The following RIT2 variants were observed in gnomAD, a reference collection of about 807,000 sequenced individuals.
RIT2 encodes GTP-binding protein Rit2.
RIT2 carries 24 observed loss-of-function variants against 23.7 expected under a neutral mutation model. The ratio of observed to expected loss-of-function variants is 1.01; its 90% CI spans 0.73 to 1.43. The LOEUF (loss-of-function observed/expected upper bound fraction) is 1.43. Ranked by LOEUF, RIT2 falls within the 40% of genes most tolerant of loss-of-function variation. RIT2 has a pLI of 0.00. For synonymous variants in RIT2, 107 were observed against 91.1 expected, an observed-to-expected ratio of 1.17 and a Z score of -0.99; for missense variants, 236 against 266.9, an observed-to-expected ratio of 0.88 and a Z score of 0.81.
intron 1 of RIT2, among the ~76,000 whole-genome samples, chr18:43,064,454 C>G (rs984090383): frequency 6.6e-6 from 1 of 151,984 alleles, no homozygotes; most frequent in Non-Finnish European, 1.5e-5. Flanking sequence ...TATTACTAAG[C>G]AATACACATT....
chr18:42,875,706 A>T (rs967662276), intron 4 of RIT2, among the ~76,000 whole-genome samples: 3 of 152,050 alleles, frequency 2.0e-5, no homozygotes, highest in African/African-American at 7.2e-5. Context: ...AAAATATAAT[A>T]GACCTATCAG....
At chr18:42,795,113 C>G (rs907556132) in intron 4 of RIT2, among the ~76,000 whole-genome samples, 4 of 152,232 alleles carry the variant, frequency 2.6e-5, no homozygotes, top group Admixed American at 6.5e-5. Context: ...CGCTCGCTCT[C>G]GGCACCTCCT....
chr18:42,987,263 G>A (rs1910733303), intron 2 of RIT2, among the ~76,000 whole-genome samples: 1 of 152,148 alleles, frequency 6.6e-6, no homozygotes, highest in Non-Finnish European at 1.5e-5. Flanking sequence ...ACTTGACCAT[G>A]CAACTTGCAT....
chr18:42,830,952 T>C (rs2144008201), intron 4 of RIT2, among the ~76,000 whole-genome samples: 1 of 152,310 alleles, frequency 6.6e-6, no homozygotes, highest in East Asian at 1.9e-4. Context: ...TCCAATAGTA[T>C]TTTCTAATTT....
At chr18:42,985,254 T>C (rs1910683913) in intron 2 of RIT2, among the ~76,000 whole-genome samples, 1 of 152,122 alleles carries the variant, frequency 6.6e-6, no homozygotes, top group African/African-American at 2.4e-5. Flanking sequence ...AGCTATGAGA[T>C]GTTATGAAGA....
At chr18:43,077,200 A>G (rs1334387909) in intron 1 of RIT2, among the ~76,000 whole-genome samples, 1 of 152,064 alleles carries the variant, frequency 6.6e-6, no homozygotes, top group Admixed American at 6.5e-5. Flanking sequence ...CAGAGCAATC[A>G]TAGGTATATA....
chr18:43,089,014 C>T (rs1025938603), intron 1 of RIT2, among the ~76,000 whole-genome samples: 1 of 152,018 alleles, frequency 6.6e-6, no homozygotes, highest in Admixed American at 6.6e-5. Context: ...TGTGTGTACA[C>T]ATGTATGTTT....
At chr18:42,838,799 G>A (rs569229978) in intron 4 of RIT2, among the ~76,000 whole-genome samples, 8 of 152,126 alleles carry the variant, frequency 5.3e-5, no homozygotes, top group South Asian at 2.1e-4. Context: ...CCATGAGTCC[G>A]GATTAGGCAC....
chr18:42,841,004 T>C (rs992378356), intron 4 of RIT2, among the ~76,000 whole-genome samples: 2 of 152,168 alleles, frequency 1.3e-5, no homozygotes, highest in African/African-American at 4.8e-5. Flanking sequence ...ACAAAATTCC[T>C]GTTTGGCAAG....
chr18:43,111,501 A>G (rs1293039660), intron 1 of RIT2, among the ~76,000 whole-genome samples: 6 of 152,232 alleles, frequency 3.9e-5, no homozygotes, highest in African/African-American at 1.2e-4. Context: ...TGGATACACC[A>G]TACCCTGATG....
chr18:42,954,558 C>T (rs1190022861), intron 3 of RIT2, among the ~76,000 whole-genome samples: 1 of 152,040 alleles, frequency 6.6e-6, no homozygotes, highest in Non-Finnish European at 1.5e-5. Flanking sequence ...ATTCAAGACA[C>T]ACAGCCTCAC....
intron 3 of RIT2, among the ~76,000 whole-genome samples, chr18:42,967,608 G>T (rs1316796805): frequency 4.3e-5 from 6 of 140,614 alleles, no homozygotes; most frequent in East Asian, 4.4e-4. Flanking sequence ...AGCCAGGATG[G>T]TCTCAATCTG....
intron 1 of RIT2, among the ~76,000 whole-genome samples, chr18:43,104,019 A>G (rs1175092699): frequency 1.3e-5 from 2 of 152,224 alleles, no homozygotes; most frequent in Non-Finnish European, 2.9e-5. Context: ...AGTAACTGAG[A>G]TATGGAATAC....
chr18:43,079,815 T>C (rs1913112293), intron 1 of RIT2, among the ~76,000 whole-genome samples: 1 of 152,152 alleles, frequency 6.6e-6, no homozygotes, highest in African/African-American at 2.4e-5. Flanking sequence ...ATTGGACTTC[T>C]CCCCTACAAA....
At chr18:42,946,257 A>G (rs946200713) in intron 3 of RIT2, among the ~76,000 whole-genome samples, 3 of 152,106 alleles carry the variant, frequency 2.0e-5, no homozygotes, top group Non-Finnish European at 2.9e-5. Flanking sequence ...AGCTTGCTGA[A>G]CCTCAAAATT....
At chr18:42,889,413 A>C (rs1033027683) in intron 4 of RIT2, among the ~76,000 whole-genome samples, 1 of 152,048 alleles carries the variant, frequency 6.6e-6, no homozygotes, top group Admixed American at 6.6e-5. Context: ...TATATATATA[A>C]AACTATAGGA....
intron 3 of RIT2, 61 bp from the exon 4 acceptor site, chr18:42,923,824 T>A: frequency 1.1e-5 from 13 of 1,229,118 alleles, no homozygotes; most frequent in Non-Finnish European, 1.5e-5. Context: ...TAATATGAGG[T>A]TTAAATGTAA....
chr18:42,902,991 A>G (rs1908517045), intron 4 of RIT2, among the ~76,000 whole-genome samples: 2 of 151,878 alleles, frequency 1.3e-5, no homozygotes, highest in African/African-American at 4.8e-5. Context: ...ACAGAAGATG[A>G]AGGACTAGAA....
intron 4 of RIT2, among the ~76,000 whole-genome samples, chr18:42,869,040 C>T (rs79578661): frequency 0.11 from 16,318 of 152,184 alleles, 983 homozygotes; most frequent in Middle Eastern, 0.24. Flanking sequence ...TATATTTAAA[C>T]GCAAGCTTTT....
Sources: allele counts gnomAD v4.1 joint callset (sites outside exome capture counted in the v4.1 genomes callset), GRCh38; gene constraint gnomAD v4.1.1; transcripts MANE v1.5; gene names NCBI Gene and HGNC (gene_info 2026-07-23, HGNC 2026-07-21).